Variants in ZFHX4 observed in about 807,000 individuals in gnomAD.
ZFHX4 encodes the protein zinc finger homeobox protein 4.
ZFHX4 carries 56 observed loss-of-function variants against 267.6 expected under a neutral mutation model. The ratio of observed to expected loss-of-function variants is 0.21; its 90% confidence interval spans 0.17 to 0.26. ZFHX4 has a LOEUF of 0.26. ZFHX4 is among the 10% of genes least tolerant of loss of function. ZFHX4 has a pLI of 1.00. For synonymous variants in ZFHX4, 1,778 were observed against 1,665.6 expected (o/e 1.07, Z -1.64); for missense variants, 4,332 against 4,420.0 (o/e 0.98, Z 0.56).
At chr8:76,842,209 G>C (rs1239076524) in intron 5 of ZFHX4, among the ~76,000 whole-genome samples, 1 of 152,024 alleles carries the variant, frequency 6.6e-6, no homozygotes, top group Non-Finnish European at 1.5e-5. Context: ...CTGAAAGCTG[G>C]AGTAACACCT....
intron 4 of ZFHX4, among the ~76,000 whole-genome samples, chr8:76,804,479 T>G (rs1320134685): frequency 6.6e-6 from 1 of 152,098 alleles, no homozygotes; most frequent in Non-Finnish European, 1.5e-5. Flanking sequence ...AAATAAATAC[T>G]TCCACTTAAA....
rs1563569955 is a variant in ZFHX4, at chr8:76,863,078, CTGT to C, written c.9380-8_9380-6del. 8 of 1,493,280 alleles carry C rather than the reference CTGT, an allele frequency of 5.4e-6. No homozygotes were observed. The highest frequency in any genetic ancestry group is 4.7e-5 in the Admixed American group (2 of 42,962). 92.5% of individuals were successfully genotyped at this position (1,493,280 alleles called of 1,614,324 possible). A position where few individuals can be genotyped will look rare whatever the true frequency, so the allele number is the denominator to read the frequency against. On this transcript the variant is annotated splice_polypyrimidine_tract_variant and intron_variant, in intron 10 of 10. Transcript: ENST00000651372. Reference sequence around the variant, plus strand: ...CTGTACATTGACAGTGGCCATCTCTCTGTTGTTGTTTTCAGCTTTAACACCTCC... The same window carrying C: ...CTGTACATTGACAGTGGCCATCTCTCTGTTGTTTTCAGCTTTAACACCTCC...
At chr8:76,820,158 T>C (rs1296098896) in intron 4 of ZFHX4, among the ~76,000 whole-genome samples, 2 of 152,244 alleles carry the variant, frequency 1.3e-5, no homozygotes, top group African/African-American at 4.8e-5. Flanking sequence ...TTAGTAGAGA[T>C]GTTTTTAATT....
rs185547670 is a variant in ZFHX4 at position 76,850,037 on chromosome 8, C to T, written c.3847-208C>T. 1.5e-4 allele frequency: 88 copies of T among 585,208 alleles called. No individual in the cohort carries two copies. In the Middle Eastern group the frequency reaches 2.8e-3, roughly 18 times the overall value. 36.3% of individuals were successfully genotyped at this position (585,208 alleles called of 1,614,324 possible). On this transcript the variant is annotated intron_variant, in intron 8 of 10. Transcript: ENST00000651372. ...TATAAAAAAATAAACCTACAGGAACCTTTAAGCCATAATAATAATAATACA... is the reference window on the plus strand; with the variant it reads ...TATAAAAAAATAAACCTACAGGAACTTTTAAGCCATAATAATAATAATACA...
intron 3 of ZFHX4, among the ~76,000 whole-genome samples, chr8:76,775,895 CTTTT>C (rs904035424): frequency 1.6e-5 from 2 of 122,464 alleles, no homozygotes; most frequent in South Asian, 2.7e-4. Context: ...AGTAAGTTTT[CTTTT>C]TTTTTTTTTT....
rs1459832736 is a variant in ZFHX4, at chr8:76,856,241, T to C, written c.9320T>C (p.Val3107Ala). ...AYPGLPGLPPVLLPGMNGPSS... is the reference protein window; with the variant it reads ...AYPGLPGLPPALLPGMNGPSS... ...CCCGGACTCCCCGGCCTTCCTCCAG[T>C]CCTTCTCCCCGGAATGAACGGTCCA... The change falls in exon 10 of 11, where the codon GTC becomes GCC. Residue 3107 changes from valine (V) to alanine (A), a missense_variant. Physicochemically the swap from Val to Ala is moderately conservative, Grantham distance 64. This residue lies in a region of ZFHX4 where 1,648 missense variants were observed against 1,625.0 expected (regional missense o/e 1.01). Coordinates refer to ENST00000651372, the MANE Select transcript of ZFHX4 (RefSeq NM_024721.5). 1.1e-5 allele frequency: 17 copies of C among 1,613,790 alleles called. No homozygotes were observed. The highest frequency in any genetic ancestry group is 1.4e-5 in the Non-Finnish European group (17 of 1,179,870).
chr8:76,783,065 C>T (rs1810593789), intron 4 of ZFHX4, among the ~76,000 whole-genome samples: 1 of 151,946 alleles, frequency 6.6e-6, no homozygotes, highest in African/African-American at 2.4e-5. Flanking sequence ...AGTAGGGTTG[C>T]CTGATGGAAG....
rs756774471 is a variant in ZFHX4 at position 76,707,572 on chromosome 8, C to T, written c.2617C>T (p.Arg873Trp). 26 of 1,585,466 alleles carry T rather than the reference C, an allele frequency of 1.6e-5. No individual in the cohort carries two copies. Among genetic ancestry groups the T allele is most frequent in the South Asian group, 3.4e-5 (3 of 87,196 alleles). The stretch of plus-strand genomic sequence containing the variant: ...AAATAATGAGCTGCCGCCTGAAATC[C>T]GGCTTGCCAGTGGTCAGCTAATGGG... ...LVNNELPPEI[R>W]LASGQLMGDD... is the part of the protein sequence containing the mutation. The change falls in exon 3 of 11, where the codon CGG becomes TGG. Residue 873 changes from arginine to tryptophan, a missense_variant. Arg to Trp is a moderately radical substitution (Grantham distance 101). Coordinates refer to ENST00000651372, the MANE Select transcript of ZFHX4 (RefSeq NM_024721.5).
chr8:76,849,609 G>A lies in ZFHX4; in HGVS notation c.3743G>A (p.Cys1248Tyr). 1 of 1,613,922 alleles carries A rather than the reference G, an allele frequency of 6.2e-7. No homozygotes were observed. The highest frequency in any genetic ancestry group is 8.5e-7 in the Non-Finnish European group (1 of 1,179,864). The stretch of plus-strand genomic sequence containing the variant: ...CACTCGGTGCAGCCGGTCATCTGCT[G>A]TCCTCTCTGTCAGGACGTCCTCAGC... The part of the protein sequence containing the change: ...SQHSVQPVIC[C>Y]PLCQDVLSNK... The change falls in exon 8 of 11, where the codon TGT (cysteine) becomes TAT (tyrosine). Residue 1248 changes from cysteine to tyrosine, a missense_variant. Cys to Tyr is a radical substitution (Grantham distance 194). Coordinates refer to ENST00000651372, the MANE Select transcript of ZFHX4 (RefSeq NM_024721.5).
At chr8:76,848,529 A>T (rs1021573552) in intron 6 of ZFHX4, among the ~76,000 whole-genome samples, 29 of 152,202 alleles carry the variant, frequency 1.9e-4, no homozygotes, top group African/African-American at 6.8e-4. Context: ...TCATGACATA[A>T]AATTATTATT....
At chr8:76,794,259 T>C (rs1405205829) in intron 4 of ZFHX4, among the ~76,000 whole-genome samples, 1 of 152,130 alleles carries the variant, frequency 6.6e-6, no homozygotes, top group East Asian at 1.9e-4. Flanking sequence ...GGTTAAAATT[T>C]TATGCAGTGA....
Position 76,706,275 on chromosome 8 carries a change from T to C in ZFHX4, c.2187T>C (p.Asn729=). 2 of 1,614,008 alleles carry C rather than the reference T, an allele frequency of 1.2e-6. No homozygotes were observed. Among genetic ancestry groups the C allele is most frequent in the Non-Finnish European group, 1.7e-6 (2 of 1,179,964 alleles). Residue 729 remains asparagine (N), a synonymous_variant, in exon 2 of 11, where the codon AAT becomes AAC. Transcript: ENST00000651372. ...QSDKHLNNVQ[N]LQNGNGEQVF... is the part of the protein sequence containing the mutation. ...ACAAGCACCTGAACAATGTTCAGAA[T>C]CTCCAAAATGGCAATGGTGAGCAGG...
chr8:76,805,744 A>G (rs1811228738), intron 4 of ZFHX4, among the ~76,000 whole-genome samples: 1 of 152,008 alleles, frequency 6.6e-6, no homozygotes, highest in South Asian at 2.1e-4. Context: ...AAGAAGAACA[A>G]TTTTACACCC....
chr8:76,785,665 G>A (rs369376920), intron 4 of ZFHX4, among the ~76,000 whole-genome samples: 3 of 152,028 alleles, frequency 2.0e-5, no homozygotes, highest in African/African-American at 4.8e-5. Flanking sequence ...CATACTTGAC[G>A]GCAGCTATTA....
intron 3 of ZFHX4, among the ~76,000 whole-genome samples, chr8:76,717,982 T>C (rs970402085): frequency 2.6e-5 from 4 of 152,216 alleles, no homozygotes; most frequent in African/African-American, 9.6e-5. Flanking sequence ...GGCCTGAGAA[T>C]AACACTAGCA....
intron 3 of ZFHX4, among the ~76,000 whole-genome samples, chr8:76,740,813 A>G (rs1475063135): frequency 3.9e-5 from 6 of 152,158 alleles, no homozygotes; most frequent in South Asian, 2.1e-4. Context: ...ATAGATAACA[A>G]AAAGGAACAT....
chr8:76,724,379 T>C (rs138536167), intron 3 of ZFHX4, among the ~76,000 whole-genome samples: 1 of 152,184 alleles, frequency 6.6e-6, no homozygotes, highest in Admixed American at 6.6e-5. Flanking sequence ...TACGACAGGC[T>C]AGGATTTTTC....
At chr8:76,720,018 T>C (rs1203620333) in intron 3 of ZFHX4, among the ~76,000 whole-genome samples, 2 of 152,156 alleles carry the variant, frequency 1.3e-5, no homozygotes, top group Non-Finnish European at 2.9e-5. Context: ...GAAATATAAT[T>C]CATATGCCAT....
chr8:76,806,726 C>G (rs527514859), intron 4 of ZFHX4, among the ~76,000 whole-genome samples: 30 of 152,062 alleles, frequency 2.0e-4, no homozygotes, highest in Non-Finnish European at 3.8e-4. Context: ...CCAAGTGTCC[C>G]CAAGAGTTCT....
Sources: gnomAD v4.1 joint callset for allele counts (sites outside exome capture counted in the v4.1 genomes callset) on GRCh38, gnomAD v4.1.1 for gene constraint, gnomAD v4.1.1 regional missense constraint, MANE v1.5 for transcripts, NCBI Gene and HGNC (gene_info 2026-07-23, HGNC 2026-07-21) for gene names.